SEPTIN14: variants seen among roughly 807,000 people sequenced by gnomAD.
SEPTIN14 encodes the protein septin 14.
A neutral mutation model predicts 53.6 loss-of-function variants in SEPTIN14; 40 were observed. The ratio of observed to expected loss-of-function variants is 0.75; its 90% CI spans 0.58 to 0.97. SEPTIN14 has a LOEUF of 0.97. SEPTIN14 is among the 50% of genes least tolerant of loss of function. The probability of loss-of-function intolerance (pLI) is 0.00; values close to 1 mark genes in which losing one functional copy is unlikely to be tolerated. For missense variants in SEPTIN14, 471 were observed against 508.2 expected, an observed-to-expected ratio of 0.93 and a Z score of 0.70; for synonymous variants, 138 against 166.8, an observed-to-expected ratio of 0.83 and a Z score of 1.33.
intron 2 of SEPTIN14, among the ~76,000 whole-genome samples, chr7:55,854,489 G>T (rs1562721096): frequency 6.6e-6 from 1 of 151,820 alleles, no homozygotes; most frequent in Non-Finnish European, 1.5e-5. Flanking sequence ...GAGTGCAGTA[G>T]TGCGATCTCG....
chr7:55,848,641 C>T (rs1410020707), intron 2 of SEPTIN14, among the ~76,000 whole-genome samples: 11 of 144,158 alleles, frequency 7.6e-5, no homozygotes, highest in African/African-American at 2.6e-4. Context: ...GACGGAGTCT[C>T]GCTCTGTCGC....
At position 55,843,110 on chromosome 7, in the gene SEPTIN14, G is replaced by A; in HGVS notation, c.390C>T (p.Asp130=). 6.3e-7 allele frequency: 1 copy of A among 1,586,026 alleles called. No individual in the cohort carries two copies. The highest frequency in any genetic ancestry group is 1.2e-5 in the South Asian group (1 of 85,694). The change falls in exon 5 of 10, where the codon GAC becomes GAT. Residue 130 remains aspartate (D), a synonymous_variant. Transcript: ENST00000388975. The part of the protein sequence containing the change: ...DKEASYQPIV[D]YIDAQFEAYL... ...AGGCCTCAAATTGGGCATCTATGTAGTCAACTATTGGTTGGTAGCTAAAAA... is the reference window on the plus strand; with the variant it reads ...AGGCCTCAAATTGGGCATCTATGTAATCAACTATTGGTTGGTAGCTAAAAA...
chr7:55,841,793 T>C (rs1479154242), intron 5 of SEPTIN14, among the ~76,000 whole-genome samples: 2 of 145,646 alleles, frequency 1.4e-5, no homozygotes, highest in African/African-American at 5.2e-5. Flanking sequence ...AGGTGGAGGT[T>C]GCAGTGAGCC....
intron 5 of SEPTIN14, among the ~76,000 whole-genome samples, chr7:55,835,264 G>A (rs780392830): frequency 2.3e-4 from 35 of 151,222 alleles, no homozygotes; most frequent in Non-Finnish European, 3.2e-4. Context: ...GTGCAGTAGC[G>A]CGATCTTGGC....
intron 7 of SEPTIN14, among the ~76,000 whole-genome samples, chr7:55,808,496 C>A (rs1437189100): frequency 6.6e-6 from 1 of 152,148 alleles, no homozygotes; most frequent in East Asian, 1.9e-4. Context: ...AATATATATA[C>A]ACTGCTGGTG....
intron 6 of SEPTIN14, among the ~76,000 whole-genome samples, chr7:55,832,039 C>T (rs926249801): frequency 4.6e-5 from 7 of 151,900 alleles, no homozygotes; most frequent in African/African-American, 1.5e-4. Context: ...CCATCTCTAC[C>T]AAAAATACAA....
chr7:55,860,193 A>AT (rs1345120201), intron 2 of SEPTIN14, among the ~76,000 whole-genome samples: 1 of 151,998 alleles, frequency 6.6e-6, no homozygotes, highest in East Asian at 1.9e-4. Flanking sequence ...AAAAAAAAAA[A>AT]ATACAATTTG....
intron 6 of SEPTIN14, among the ~76,000 whole-genome samples, chr7:55,821,871 C>G (rs953426867): frequency 6.6e-6 from 1 of 152,006 alleles, no homozygotes; most frequent in Non-Finnish European, 1.5e-5. Context: ...AAAGATATAC[C>G]CAAGACTGGG....
intron 6 of SEPTIN14, among the ~76,000 whole-genome samples, chr7:55,819,930 A>G (rs932948379): frequency 1.7e-4 from 26 of 151,812 alleles, no homozygotes; most frequent in African/African-American, 6.3e-4. Flanking sequence ...AAACAACTAC[A>G]ACTATTATAA....
intron 7 of SEPTIN14, among the ~76,000 whole-genome samples, chr7:55,812,975 A>T (rs1475224263): frequency 1.3e-5 from 2 of 148,482 alleles, no homozygotes; most frequent in Non-Finnish European, 3.0e-5. Context: ...TTTTAGATGG[A>T]GTCTCGCTCT....
intron 5 of SEPTIN14, among the ~76,000 whole-genome samples, chr7:55,834,836 G>A (rs1320668419): frequency 6.6e-6 from 1 of 152,064 alleles, no homozygotes; most frequent in Non-Finnish European, 1.5e-5. Context: ...TAGTAAAGAC[G>A]GGGTTTCACC....
intron 2 of SEPTIN14, among the ~76,000 whole-genome samples, chr7:55,847,818 T>A (rs957518575): frequency 4.6e-5 from 7 of 151,712 alleles, no homozygotes; most frequent in African/African-American, 1.5e-4. Context: ...TTCTAGAAAA[T>A]TAGAAATCCA....
At chr7:55,842,567 C>A (rs35540661) in intron 5 of SEPTIN14, among the ~76,000 whole-genome samples, 2,645 of 151,000 alleles carry the variant, frequency 0.018, 33 homozygotes, top group Middle Eastern at 0.024. Flanking sequence ...GACGCCACTG[C>A]ACTCTAGCCT....
At chr7:55,853,001 T>C (rs1789545909) in intron 2 of SEPTIN14, among the ~76,000 whole-genome samples, 1 of 152,150 alleles carries the variant, frequency 6.6e-6, no homozygotes, top group Non-Finnish European at 1.5e-5. Flanking sequence ...TCATCTCACC[T>C]GAGTTAAAGT....
intron 5 of SEPTIN14, among the ~76,000 whole-genome samples, chr7:55,840,617 C>T (rs10239655): frequency 0.2 from 29,769 of 152,004 alleles, 3,810 homozygotes; most frequent in East Asian, 0.43. Context: ...CTTCTGACAC[C>T]TTGATCTTGG....
At position 55,795,473 on chromosome 7, in the gene SEPTIN14, T is replaced by TC. The variant is rs1179814648; in HGVS notation, c.*439_*440insG. 1 of 154,924 alleles carries TC rather than the reference T, an allele frequency of 6.5e-6. No homozygotes were observed. Among genetic ancestry groups the TC allele is most frequent in the African/African-American group, 2.4e-5 (1 of 40,910 alleles). 9.6% of individuals were successfully genotyped at this position (154,924 alleles called of 1,614,324 possible). A position where few individuals can be genotyped will look rare whatever the true frequency, so the allele number is the denominator to read the frequency against. On this transcript the variant is annotated 3_prime_UTR_variant, in exon 10 of 10. Transcript: ENST00000388975. ...TCTGGGAGTTCATACTTTTTTTTTT[T>TC]TTTTTTTTTTTGAGGCGGAGTTTTG...
At chr7:55,802,461 C>T (rs2115955051) in intron 9 of SEPTIN14, among the ~76,000 whole-genome samples, 1 of 152,136 alleles carries the variant, frequency 6.6e-6, no homozygotes, top group African/African-American at 2.4e-5. Context: ...AATTAGATCG[C>T]ACATTAAATA....
chr7:55,859,378 C>T (rs1789704998), intron 2 of SEPTIN14, among the ~76,000 whole-genome samples: 1 of 151,946 alleles, frequency 6.6e-6, no homozygotes, highest in African/African-American at 2.4e-5. Context: ...TCATTATGTC[C>T]TCTTGGTGCC....
chr7:55,831,894 G>T (rs1019485878), intron 6 of SEPTIN14, among the ~76,000 whole-genome samples: 3 of 152,104 alleles, frequency 2.0e-5, no homozygotes, highest in Non-Finnish European at 4.4e-5. Context: ...AATCATCAGA[G>T]AAATGCAAAT....
Sources: gnomAD v4.1 joint callset for allele counts (sites outside exome capture counted in the v4.1 genomes callset) on GRCh38, gnomAD v4.1.1 for gene constraint, MANE v1.5 for transcripts, NCBI Gene and HGNC (gene_info 2026-07-23, HGNC 2026-07-21) for gene names.